VIRMA: variants seen among roughly 807,000 people sequenced by gnomAD.
The protein encoded by VIRMA is vir like m6A methyltransferase associated, also known as protein virilizer homolog.
Under a neutral mutation model 182.4 loss-of-function variants are expected in VIRMA, and 65 were observed. The observed-to-expected ratio is 0.36, with a 90% confidence interval of 0.29 to 0.44. The LOEUF is 0.44. Ranked by LOEUF, VIRMA falls within the 20% of genes least tolerant of loss-of-function variation. The pLI is 1.00. For synonymous variants in VIRMA, 709 were observed against 743.1 expected, an observed-to-expected ratio of 0.95 and a Z score of 0.75; for missense variants, 1,752 against 2,158.1, an observed-to-expected ratio of 0.81 and a Z score of 3.73.
intron 6 of VIRMA, among the ~76,000 whole-genome samples, chr8:94,530,364 G>A (rs1217418330): frequency 1.3e-5 from 2 of 151,896 alleles, no homozygotes; most frequent in African/African-American, 2.4e-5. Flanking sequence ...AGGCGTGGTG[G>A]TATACACCTG....
At chr8:94,535,351 A>G (rs908744081) in intron 4 of VIRMA, among the ~76,000 whole-genome samples, 2 of 152,216 alleles carry the variant, frequency 1.3e-5, no homozygotes, top group African/African-American at 4.8e-5. Flanking sequence ...CAATAGGTAC[A>G]GGGGTCGTAG....
At chr8:94,507,573 G>A (rs1215427654) in intron 15 of VIRMA, among the ~76,000 whole-genome samples, 1 of 151,924 alleles carries the variant, frequency 6.6e-6, no homozygotes, top group Non-Finnish European at 1.5e-5. Context: ...TGGCCAACAT[G>A]GTGAAACACC....
At chr8:94,522,073 G>A (rs959385505) in intron 8 of VIRMA, among the ~76,000 whole-genome samples, 1 of 152,110 alleles carries the variant, frequency 6.6e-6, no homozygotes. Context: ...TTCCTTCTAG[G>A]AGTCTGGAAT....
chr8:94,535,915 T>C (rs1004441156), intron 4 of VIRMA, among the ~76,000 whole-genome samples: 3 of 152,202 alleles, frequency 2.0e-5, no homozygotes, highest in African/African-American at 7.2e-5. Flanking sequence ...AAAAAATAAC[T>C]TCATGCTTTC....
chr8:94,504,361 G>C (rs1814084471), intron 16 of VIRMA, among the ~76,000 whole-genome samples: 1 of 151,886 alleles, frequency 6.6e-6, no homozygotes, highest in Admixed American at 6.6e-5. Context: ...TCTCACTGTG[G>C]CCTCAGAGCT....
intron 17 of VIRMA, 91 bp downstream of exon 17, chr8:94,499,283 G>T: frequency 1.1e-6 from 1 of 880,110 alleles, no homozygotes; most frequent in Non-Finnish European, 1.7e-6. Context: ...TTACAGATGT[G>T]AGCCATCGTA....
intron 1 of VIRMA, among the ~76,000 whole-genome samples, chr8:94,548,756 C>T (rs569116791): frequency 5.9e-5 from 9 of 152,096 alleles, no homozygotes; most frequent in Non-Finnish European, 1.2e-4. Context: ...CCCAGGTTCA[C>T]GCCATTCTCC....
At chr8:94,496,559 A>C (rs1813785341) in intron 17 of VIRMA, 79 bp from the exon 18 acceptor site, 1 of 1,131,404 alleles carries the variant, frequency 8.8e-7, no homozygotes. Context: ...ATATTATCTA[A>C]GCCATATGCT....
chr8:94,523,998 C>T (rs1586092278), intron 8 of VIRMA, among the ~76,000 whole-genome samples: 1 of 121,364 alleles, frequency 8.2e-6, no homozygotes, highest in South Asian at 3.2e-4. Context: ...GTTTTTGTTA[C>T]TTGTTTATTT....
At chr8:94,524,749 T>C (rs1814900457) in intron 8 of VIRMA, among the ~76,000 whole-genome samples, 1 of 152,334 alleles carries the variant, frequency 6.6e-6, no homozygotes, top group Admixed American at 6.5e-5. Flanking sequence ...GTTTTTCATC[T>C]ACACTTCCTC....
intron 5 of VIRMA, among the ~76,000 whole-genome samples, chr8:94,531,427 T>C (rs1410690473): frequency 6.6e-6 from 1 of 152,238 alleles, no homozygotes; most frequent in Admixed American, 6.5e-5. Flanking sequence ...GAGATTTTCA[T>C]CTTCAGAATT....
At chr8:94,492,056 TAACA>T in intron 21 of VIRMA, 147 bp from the exon 22 acceptor site, 1 of 581,608 alleles carries the variant, frequency 1.7e-6, no homozygotes, top group Non-Finnish European at 2.9e-6. Flanking sequence ...TGGGATAATA[TAACA>T]AACTAGCTAA....
intron 2 of VIRMA, 54 bp downstream of exon 2, chr8:94,543,773 G>A: frequency 1.0e-6 from 1 of 957,798 alleles, no homozygotes; most frequent in Non-Finnish European, 1.6e-6. Flanking sequence ...TTAAGAATAT[G>A]TTTCTAAGAC....
intron 11 of VIRMA, among the ~76,000 whole-genome samples, chr8:94,513,425 C>CAAA (rs34173786): frequency 1.7e-5 from 2 of 115,028 alleles, no homozygotes; most frequent in Non-Finnish European, 3.8e-5. Flanking sequence ...GAGTCTAGAC[C>CAAA]AAAAAAAAAA....
intron 1 of VIRMA, among the ~76,000 whole-genome samples, chr8:94,553,109 C>A (rs1270869468): frequency 2.6e-5 from 4 of 152,000 alleles, no homozygotes; most frequent in African/African-American, 7.3e-5. Flanking sequence ...CTTCTCAAGG[C>A]CCAAACCTGA....
rs1362449826 is a variant in VIRMA at position 94,509,494 on chromosome 8, AT to A, written c.3879+193del. Among the ~76,000 whole-genome samples the A allele has an allele frequency of 1.3e-3, 205 of 152,248 alleles. 3 individuals carry two copies. Among genetic ancestry groups the A allele is most frequent in the Non-Finnish European group, 2.8e-4 (19 of 68,012 alleles). On this transcript the variant is annotated intron_variant, in intron 15 of 23. Transcript: ENST00000297591. ...TACGGAAACACTGGCACATAAAGCA[AT>A]TACCCAAGGTTATGATCTTATAAAG...
intron 16 of VIRMA, among the ~76,000 whole-genome samples, chr8:94,505,386 C>T (rs1285168224): frequency 1.4e-5 from 2 of 140,492 alleles, no homozygotes; most frequent in African/African-American, 4.9e-5. Context: ...CTTCCTTCTC[C>T]CAGCAAATAA....
At chr8:94,525,278 C>T (rs1435873877) in intron 8 of VIRMA, among the ~76,000 whole-genome samples, 1 of 152,210 alleles carries the variant, frequency 6.6e-6, no homozygotes, top group Non-Finnish European at 1.5e-5. Context: ...ACACTTTAAC[C>T]AGTTCTTCGG....
rs374711961 is a variant in VIRMA, at chr8:94,489,956, C to T, written c.5267G>A (p.Arg1756Gln). The T allele has an allele frequency of 3.7e-6, 6 of 1,613,718 alleles. No individual in the cohort carries two copies. Among genetic ancestry groups the T allele is most frequent in the Non-Finnish European group, 4.2e-6 (5 of 1,179,930 alleles). Residue 1756 changes from arginine to glutamine, a missense_variant, in exon 23 of 24, where the codon CGA becomes CAA. This residue lies in a region of VIRMA where 132 missense variants were observed against 173.8 expected (regional missense o/e 0.76). Transcript: ENST00000297591. ...NFNRGPLPPL[R>Q]PLSSTGYRPS... Reference sequence around the variant, plus strand: ...ATGTATACCTGTAGAACTAAGGGGTCGTAATGGTGGAAGAGGGCCTCTGTT... The same window carrying T: ...ATGTATACCTGTAGAACTAAGGGGTTGTAATGGTGGAAGAGGGCCTCTGTT...
Sources: allele counts gnomAD v4.1 joint callset (sites outside exome capture counted in the v4.1 genomes callset), GRCh38; gene constraint gnomAD v4.1.1; regional missense constraint gnomAD v4.1.1; transcripts MANE v1.5; gene names NCBI Gene and HGNC (gene_info 2026-07-23, HGNC 2026-07-21).